Variants in FREM1 observed in about 807,000 individuals in gnomAD.
The protein encoded by FREM1 is FRAS1-related extracellular matrix protein 1.
A neutral mutation model predicts 210.1 loss-of-function variants in FREM1; 220 were observed. That is an observed-to-expected ratio of 1.05 (90% CI 0.94 to 1.17). FREM1 has a LOEUF of 1.17. FREM1 is among the 50% of genes most tolerant of loss of function. The pLI, the probability that FREM1 is intolerant of heterozygous loss-of-function variation, is 0.00. For missense variants in FREM1, 3,454 were observed against 2,675.5 expected (o/e 1.29, Z -6.42); for synonymous variants, 1,189 against 980.2 (o/e 1.21, Z -3.98).
At chr9:14,866,911 G>C (rs1384694087) in intron 2 of FREM1, among the ~76,000 whole-genome samples, 1 of 151,624 alleles carries the variant, frequency 6.6e-6, no homozygotes, top group Admixed American at 6.6e-5. Context: ...CCAGGCTGGA[G>C]TGTAGTGGCA....
chr9:14,770,515 A>G lies in FREM1; in HGVS notation c.5059+90T>C. On this transcript the variant is annotated intron_variant, in intron 26 of 36. Transcript: ENST00000380880. ...GTAAGCCCTGGGGAGTGTTTACCAAATGGGCCTGCACTTAATTAAATTACT... is the reference window on the plus strand; with the variant it reads ...GTAAGCCCTGGGGAGTGTTTACCAAGTGGGCCTGCACTTAATTAAATTACT... The G allele has an allele frequency of 2.2e-6, 2 of 914,792 alleles. 1 individual carries two copies. Among genetic ancestry groups the G allele is most frequent in the South Asian group, 2.8e-5 (2 of 70,324 alleles). 56.7% of individuals were successfully genotyped at this position (914,792 alleles called of 1,614,324 possible).
intron 24 of FREM1, among the ~76,000 whole-genome samples, chr9:14,782,620 G>A (rs537263138): frequency 3.9e-5 from 6 of 152,192 alleles, no homozygotes; most frequent in Middle Eastern, 3.2e-3. Context: ...AACAATCATT[G>A]CTCCTCTTGG....
At chr9:14,838,502 CACACACAT>C (rs1777937128) in intron 10 of FREM1, among the ~76,000 whole-genome samples, 1 of 151,894 alleles carries the variant, frequency 6.6e-6, no homozygotes, top group African/African-American at 2.4e-5. Flanking sequence ...CACACACACA[CACACACAT>C]ACACACAATA....
At chr9:14,829,511 A>G (rs1262952699) in intron 10 of FREM1, among the ~76,000 whole-genome samples, 1 of 152,140 alleles carries the variant, frequency 6.6e-6, no homozygotes, top group Admixed American at 6.6e-5. Context: ...TGTTTAGGTC[A>G]TGAGGGCTCC....
chr9:14,863,325 A>G (rs1438787801), intron 3 of FREM1, among the ~76,000 whole-genome samples: 1 of 146,692 alleles, frequency 6.8e-6, no homozygotes, highest in Non-Finnish European at 1.5e-5. Context: ...TGGGTGACAG[A>G]GCAAGACTCC....
chr9:14,795,020 AAAAG>A (rs1852114223), intron 21 of FREM1, among the ~76,000 whole-genome samples: 1 of 151,394 alleles, frequency 6.6e-6, no homozygotes, highest in East Asian at 1.9e-4. Flanking sequence ...AAAAAAATAG[AAAAG>A]AAAGAAAGAA....
intron 1 of FREM1, among the ~76,000 whole-genome samples, chr9:14,872,992 A>C (rs1176366758): frequency 1.3e-5 from 2 of 151,180 alleles, no homozygotes; most frequent in East Asian, 3.9e-4. Flanking sequence ...CGTATATTGA[A>C]CCAGCCTTGC....
chr9:14,800,511 C>A (rs983546406), intron 20 of FREM1, among the ~76,000 whole-genome samples: 3 of 152,064 alleles, frequency 2.0e-5, no homozygotes, highest in Non-Finnish European at 4.4e-5. Context: ...AGTAAATTAT[C>A]CCCTCAGAAA....
chr9:14,784,069 A>G (rs1367898016), intron 24 of FREM1, among the ~76,000 whole-genome samples: 1 of 152,192 alleles, frequency 6.6e-6, no homozygotes, highest in Non-Finnish European at 1.5e-5. Flanking sequence ...TTTTTCAATA[A>G]CAGGCCCTAA....
At chr9:14,816,923 T>TCC (rs1820413017) in intron 14 of FREM1, 52 bp from the exon 15 acceptor site, 1 of 611,264 alleles carries the variant, frequency 1.6e-6, no homozygotes, top group African/African-American at 1.9e-5. Flanking sequence ...TGAGAGTAAA[T>TCC]TGAGATGCAT....
chr9:14,870,462 G>C (rs1479050548), intron 1 of FREM1, among the ~76,000 whole-genome samples: 1 of 151,926 alleles, frequency 6.6e-6, no homozygotes, highest in African/African-American at 2.4e-5. Flanking sequence ...ACATCTGGTT[G>C]TTTTGTTTTT....
intron 1 of FREM1, among the ~76,000 whole-genome samples, chr9:14,892,055 A>T (rs12555623): frequency 0.061 from 9,299 of 152,154 alleles, 549 homozygotes; most frequent in African/African-American, 0.14. Context: ...AATTCTTTCT[A>T]TCCTAAGGTA....
At chr9:14,864,367 CT>C (rs1007075954) in intron 2 of FREM1, among the ~76,000 whole-genome samples, 3 of 151,594 alleles carry the variant, frequency 2.0e-5, no homozygotes, top group Admixed American at 6.6e-5. Context: ...CCTTTCATTT[CT>C]TTTTTTTTCC....
At position 14,869,066 on chromosome 9, in the gene FREM1, T is replaced by C. The variant is rs1207414496; in HGVS notation, c.-89A>G. 4 of 849,426 alleles carry C rather than the reference T, an allele frequency of 4.7e-6. No individual in the cohort carries two copies. Among genetic ancestry groups the C allele is most frequent in the African/African-American group, 3.4e-5 (2 of 58,726 alleles). 52.6% of individuals were successfully genotyped at this position (849,426 alleles called of 1,614,324 possible). ...TGCTTCCTCCTGGAGGGTCAGCTCA[T>C]AGTCCAAGGGGCAGGGTGAGGGGTC... On this transcript the variant is annotated 5_prime_UTR_variant, in exon 2 of 37. An upstream start codon of the reference 5' UTR is lost. Transcript: ENST00000380880.
chr9:14,829,731 A>G (rs551834005), intron 10 of FREM1, among the ~76,000 whole-genome samples: 1 of 152,320 alleles, frequency 6.6e-6, no homozygotes, highest in Non-Finnish European at 1.5e-5. Context: ...CCCAGTCTGT[A>G]GTACTCTGTT....
At chr9:14,824,740 C>T in intron 11 of FREM1, 56 bp downstream of exon 11, 2 of 1,182,542 alleles carry the variant, frequency 1.7e-6, no homozygotes, top group South Asian at 2.6e-5. Context: ...TCTATATTGA[C>T]ACTTTCAACT....
chr9:14,764,738 A>T (rs1390612573), intron 27 of FREM1, among the ~76,000 whole-genome samples: 1 of 152,128 alleles, frequency 6.6e-6, no homozygotes, highest in Non-Finnish European at 1.5e-5. Context: ...CTATAGTGCC[A>T]ATGTTGAGAC....
chr9:14,784,302 T>C (rs1850073092), intron 24 of FREM1, 68 bp downstream of exon 24: 2 of 1,452,704 alleles, frequency 1.4e-6, no homozygotes, highest in Admixed American at 1.8e-5. Context: ...GTGAAGCACA[T>C]TAACAGATCT....
intron 27 of FREM1, among the ~76,000 whole-genome samples, chr9:14,765,862 G>T (rs762275645): frequency 1.3e-5 from 2 of 152,184 alleles, no homozygotes; most frequent in Non-Finnish European, 2.9e-5. Context: ...TCTCCAGTGG[G>T]CACAAGAAAG....
Sources: gnomAD v4.1 joint callset for allele counts (sites outside exome capture counted in the v4.1 genomes callset) on GRCh38, gnomAD v4.1.1 for gene constraint, MANE v1.5 for transcripts, NCBI Gene and HGNC (gene_info 2026-07-23, HGNC 2026-07-21) for gene names.